STK32A: variants seen among roughly 807,000 people sequenced by gnomAD.
The protein encoded by STK32A is serine/threonine-protein kinase 32A.
STK32A carries 41 observed loss-of-function variants against 53.2 expected under a neutral mutation model. The ratio of observed to expected loss-of-function variants is 0.77; its 90% CI spans 0.60 to 1.00. STK32A has a LOEUF of 1.00. Ranked by LOEUF, STK32A falls within the 50% of genes least tolerant of loss-of-function variation. The pLI, the probability that STK32A is intolerant of heterozygous loss-of-function variation, is 0.00. For missense variants in STK32A, 458 were observed against 485.8 expected (o/e 0.94, Z 0.54); for synonymous variants, 166 against 162.8 (o/e 1.02, Z -0.15).
chr5:147,294,672 T>A (rs1376143252), intron 4 of STK32A, among the ~76,000 whole-genome samples: 1 of 145,096 alleles, frequency 6.9e-6, no homozygotes, highest in Non-Finnish European at 1.5e-5. Context: ...ATCTAGTCAT[T>A]TTTTTTTTCT....
At chr5:147,392,614 T>C (rs1476291900), downstream of STK32A, 1 of 152,230 alleles carries the variant, frequency 6.6e-6, no homozygotes, top group African/African-American at 2.4e-5. Flanking sequence ...GCTCCAAAAC[T>C]GAATTTTCAG....
intron 4 of STK32A, among the ~76,000 whole-genome samples, chr5:147,299,934 C>G (rs955417353): frequency 1.2e-4 from 19 of 152,118 alleles, no homozygotes; most frequent in Admixed American, 2.6e-4. Context: ...GTCCCATACT[C>G]CTGTCTCTCT....
the STK32A span, chr5:147,397,606 C>CT: frequency 6.4e-7 from 1 of 1,550,572 alleles, no homozygotes; most frequent in Non-Finnish European, 8.8e-7. Flanking sequence ...TGGTTACTAT[C>CT]TCTGAGCGTG....
At chr5:147,354,758 C>T (rs1756139893) in intron 7 of STK32A, among the ~76,000 whole-genome samples, 1 of 152,142 alleles carries the variant, frequency 6.6e-6, no homozygotes, top group South Asian at 2.1e-4. Flanking sequence ...CAAGCTCTGT[C>T]TGATTTCAGA....
chr5:147,324,212 T>A, intron 5 of STK32A, 141 bp downstream of exon 5: 1 of 900,376 alleles, frequency 1.1e-6, no homozygotes, highest in South Asian at 2.1e-5. Context: ...AGGTTGATTG[T>A]CTTCATTTTG....
chr5:147,350,159 G>T (rs1278976634), intron 6 of STK32A, among the ~76,000 whole-genome samples: 12 of 60,034 alleles, frequency 2.0e-4, no homozygotes, highest in Non-Finnish European at 3.6e-4. Context: ...GTTAAACCCC[G>T]CCCCCCACCC....
At chr5:147,329,317 T>G (rs1425224004) in intron 5 of STK32A, among the ~76,000 whole-genome samples, 1 of 152,190 alleles carries the variant, frequency 6.6e-6, no homozygotes, top group African/African-American at 2.4e-5. Context: ...TAGCTGCTTA[T>G]GAGATGTTCC....
chr5:147,321,602 T>C (rs1266776078), intron 4 of STK32A, among the ~76,000 whole-genome samples: 3 of 152,244 alleles, frequency 2.0e-5, no homozygotes, highest in Admixed American at 6.5e-5. Context: ...GGCACCTTTA[T>C]CACTTTGTTC....
At chr5:147,252,762 T>A (rs1427012528) in intron 2 of STK32A, among the ~76,000 whole-genome samples, 1 of 152,312 alleles carries the variant, frequency 6.6e-6, no homozygotes, top group African/African-American at 2.4e-5. Context: ...TCATCCCTCC[T>A]ACCCACTATG....
chr5:147,327,761 A>G (rs1229889334), intron 5 of STK32A, among the ~76,000 whole-genome samples: 4 of 152,188 alleles, frequency 2.6e-5, no homozygotes, highest in Non-Finnish European at 5.9e-5. Context: ...TTGCATGGCT[A>G]TTAAGTAGGG....
chr5:147,317,344 T>TTG (rs1754054865), intron 4 of STK32A, among the ~76,000 whole-genome samples: 2 of 144,418 alleles, frequency 1.4e-5, no homozygotes, highest in African/African-American at 5.1e-5. Context: ...TTTTTTTTTT[T>TTG]TTTGAGAGAG....
At chr5:147,278,727 T>C (rs1327393785) in intron 3 of STK32A, among the ~76,000 whole-genome samples, 1 of 152,264 alleles carries the variant, frequency 6.6e-6, no homozygotes, top group African/African-American at 2.4e-5. Context: ...AAAACTTGCA[T>C]TTTAAAATCA....
chr5:147,399,036 G>A, the STK32A span: 1 of 1,596,080 alleles, frequency 6.3e-7, no homozygotes, highest in Non-Finnish European at 8.5e-7. Context: ...CAAGTTCCTT[G>A]CATGCATTCT....
At chr5:147,296,542 C>T (rs1752876074) in intron 4 of STK32A, among the ~76,000 whole-genome samples, 1 of 152,000 alleles carries the variant, frequency 6.6e-6, no homozygotes, top group African/African-American at 2.4e-5. Context: ...TACCAGTTGA[C>T]TGTTCCTAGA....
intron 8 of STK32A, among the ~76,000 whole-genome samples, chr5:147,367,472 T>C (rs553439971): frequency 6.6e-6 from 1 of 152,220 alleles, no homozygotes; most frequent in Non-Finnish European, 1.5e-5. Context: ...CTATTTCACC[T>C]GGGTTTCAGG....
intron 4 of STK32A, among the ~76,000 whole-genome samples, chr5:147,286,872 T>A (rs536147577): frequency 1.3e-5 from 2 of 152,276 alleles, no homozygotes; most frequent in South Asian, 4.1e-4. Flanking sequence ...GATGTCTTAC[T>A]AGTTATTAGA....
chr5:147,259,887 C>A (rs116548350), intron 2 of STK32A, among the ~76,000 whole-genome samples: 32,267 of 143,472 alleles, frequency 0.22, 3,941 homozygotes, highest in Admixed American at 0.32. Flanking sequence ...TCCTGTCTCT[C>A]TCTTTCTCTC....
chr5:147,330,644 A>T (rs1754821322), intron 5 of STK32A, among the ~76,000 whole-genome samples: 1 of 152,198 alleles, frequency 6.6e-6, no homozygotes, highest in African/African-American at 2.4e-5. Context: ...GGAGGTTTCA[A>T]CAAGTGATCA....
intron 8 of STK32A, among the ~76,000 whole-genome samples, chr5:147,366,790 A>G (rs539028794): frequency 6.6e-6 from 1 of 152,190 alleles, no homozygotes; most frequent in Admixed American, 6.5e-5. Flanking sequence ...TTCTGTTCTC[A>G]TAAGGATACT....
Sources: allele counts gnomAD v4.1 joint callset (sites outside exome capture counted in the v4.1 genomes callset), GRCh38; gene constraint gnomAD v4.1.1; transcripts MANE v1.5; gene names NCBI Gene and HGNC (gene_info 2026-07-23, HGNC 2026-07-21).